Variants in RIDA observed in about 807,000 individuals in gnomAD.
The protein encoded by RIDA is 2-iminobutanoate/2-iminopropanoate deaminase.
RIDA carries 17 observed loss-of-function variants against 17.8 expected under a neutral mutation model. The observed-to-expected ratio is 0.96, with a 90% CI of 0.65 to 1.43. The LOEUF is 1.43. RIDA is among the 40% of genes most tolerant of loss of function. The pLI is 0.00. For synonymous variants in RIDA, 48 were observed against 55.7 expected (o/e 0.86, Z 0.62); for missense variants, 158 against 161.7 (o/e 0.98, Z 0.12).
chr8:98,106,145 T>C (rs963612992), intron 3 of RIDA, 127 bp downstream of exon 3: 5 of 1,077,402 alleles, frequency 4.6e-6, no homozygotes, highest in Admixed American at 1.9e-5. Context: ...AGTAGAACAG[T>C]TGCTATTTAA....
At chr8:98,104,668 G>A in intron 4 of RIDA, 124 bp from the exon 5 acceptor site, 1 of 643,582 alleles carries the variant, frequency 1.6e-6, no homozygotes, top group Non-Finnish European at 2.7e-6. Flanking sequence ...TAATAATCTG[G>A]CAAATATTTC....
intron 1 of RIDA, 64 bp downstream of exon 1, chr8:98,116,968 C>A: frequency 1.4e-6 from 2 of 1,389,842 alleles, no homozygotes; most frequent in Non-Finnish European, 2.0e-6. Flanking sequence ...CCGGAGTGGC[C>A]CCAACCCCGA....
intron 1 of RIDA, among the ~76,000 whole-genome samples, chr8:98,116,512 T>A (rs1260347829): frequency 6.6e-6 from 1 of 151,946 alleles, no homozygotes; most frequent in Non-Finnish European, 1.5e-5. Context: ...AGCAAATCCA[T>A]GAAGATGCAA....
chr8:98,110,136 G>A (rs1815703356), intron 1 of RIDA, among the ~76,000 whole-genome samples: 1 of 152,138 alleles, frequency 6.6e-6, no homozygotes, highest in South Asian at 2.1e-4. Context: ...TAGGGCCAGG[G>A]GTGATCATAA....
intron 1 of RIDA, 49 bp downstream of exon 1, chr8:98,116,983 C>T (rs1252695272): frequency 6.6e-7 from 1 of 1,521,866 alleles, no homozygotes; most frequent in African/African-American, 1.4e-5. Flanking sequence ...CCCCGAATCC[C>T]CGAACCCGCA....
At chr8:98,109,651 A>G (rs147604375) in intron 1 of RIDA, among the ~76,000 whole-genome samples, 37 of 152,342 alleles carry the variant, frequency 2.4e-4, no homozygotes, top group African/African-American at 8.4e-4. Context: ...GCTGAAGTGC[A>G]GTGGTAGGAT....
chr8:98,109,595 C>T (rs1411291301), intron 1 of RIDA, among the ~76,000 whole-genome samples: 1 of 151,974 alleles, frequency 6.6e-6, no homozygotes, highest in East Asian at 1.9e-4. Context: ...AACATACAAC[C>T]CAGCAAACTC....
chr8:98,117,064 G>T lies in RIDA; in HGVS notation c.33C>A (p.Thr11=). ...GTCCAATGGCCCCTGGGGCTTTCGC[G>T]GTGCTGATCACCCTTCTGATCAAGG... MSSLIRRVIS[T]AKAPGAIGPY... The change falls in exon 1 of 6, where the codon ACC becomes ACA. Residue 11 remains threonine (T), a synonymous_variant. Transcript: ENST00000254878. 2 of 1,614,150 alleles carry T rather than the reference G, an allele frequency of 1.2e-6. No homozygotes were observed. The highest frequency in any genetic ancestry group is 1.7e-6 in the Non-Finnish European group (2 of 1,179,976).
At chr8:98,113,499 A>C (rs1256612336) in intron 1 of RIDA, 1 of 152,232 alleles carries the variant, frequency 6.6e-6, no homozygotes, top group Non-Finnish European at 1.5e-5. Context: ...CACCTAGTGC[A>C]CAAGAGGCAC....
chr8:98,117,153 GC>G lies in RIDA; in HGVS notation c.-58del. 6.5e-7 allele frequency: 1 copy of G among 1,534,134 alleles called. No individual in the cohort carries two copies. The highest frequency in any genetic ancestry group is 9.0e-7 in the Non-Finnish European group (1 of 1,107,196). On this transcript the variant is annotated 5_prime_UTR_variant, in exon 1 of 6. Coordinates refer to ENST00000254878, the MANE Select transcript of RIDA (RefSeq NM_005836.3). ...GAGAAGAAGCCCCAGCACCAGCCCT[GC>G]TGGCTTCTTACTGGACTGACCAACC...
intron 1 of RIDA, among the ~76,000 whole-genome samples, chr8:98,114,327 C>CT (rs10576507): frequency 1.7e-3 from 248 of 143,180 alleles, no homozygotes; most frequent in African/African-American, 5.2e-3. Context: ...CTGCTAAAAT[C>CT]TTTTTTTTTT....
chr8:98,114,473 C>T (rs947052744), intron 1 of RIDA, among the ~76,000 whole-genome samples: 1 of 150,516 alleles, frequency 6.6e-6, no homozygotes. Flanking sequence ...TACAGGCATA[C>T]GCCACTATAC....
At position 98,106,276 on chromosome 8, in the gene RIDA, A is replaced by G; in HGVS notation, c.222T>C (p.Thr74=). ...EILKAAGCDF[T]NVVKTTVLLA... ...AAATAATATCAAATTGCTCACCGTT[A>G]GTGAAGTCACAGCCTGCAGCTTTCA... The change falls in exon 3 of 6, where the codon ACT becomes ACC. Residue 74 remains threonine, a synonymous_variant. Coordinates refer to ENST00000254878, the MANE Select transcript of RIDA (RefSeq NM_005836.3). 6.2e-7 allele frequency: 1 copy of G among 1,613,452 alleles called. No individual in the cohort carries two copies. Among genetic ancestry groups the G allele is most frequent in the Non-Finnish European group, 8.5e-7 (1 of 1,179,482 alleles).
At chr8:98,111,160 T>G (rs1243543006) in intron 1 of RIDA, among the ~76,000 whole-genome samples, 1 of 152,076 alleles carries the variant, frequency 6.6e-6, no homozygotes, top group Admixed American at 6.6e-5. Flanking sequence ...AGAAGTAGGA[T>G]AAAATCACAG....
chr8:98,116,975 C>T, intron 1 of RIDA, 57 bp downstream of exon 1: 2 of 1,463,972 alleles, frequency 1.4e-6, no homozygotes, highest in Non-Finnish European at 1.9e-6. Flanking sequence ...GGCCCCAACC[C>T]CGAATCCCCG....
chr8:98,109,012 C>A (rs1815676307), intron 1 of RIDA, among the ~76,000 whole-genome samples: 1 of 152,010 alleles, frequency 6.6e-6, no homozygotes, highest in South Asian at 2.1e-4. Flanking sequence ...TCAGCCTGGG[C>A]AACCACTCAG....
Position 98,108,742 on chromosome 8 carries a change from T to C in RIDA, c.75A>G (p.Val25=). The change falls in exon 2 of 6, where the codon GTA becomes GTG. Residue 25 remains valine (V), a synonymous_variant. Transcript: ENST00000254878. ...PGAIGPYSQA[V]LVDRTIYISG... is the part of the protein sequence containing the mutation. ...AAATGTAAATGGTCCTGTCGACTAA[T>C]ACAGCTTGACTGCAATAAACAGAAA... 1 of 1,607,352 alleles carries C rather than the reference T, an allele frequency of 6.2e-7. No homozygotes were observed. Among genetic ancestry groups the C allele is most frequent in the Non-Finnish European group, 8.5e-7 (1 of 1,174,092 alleles).
chr8:98,106,081 T>C (rs1187364867), intron 3 of RIDA, 75 bp from the exon 4 acceptor site: 1 of 1,184,724 alleles, frequency 8.4e-7, no homozygotes, highest in African/African-American at 1.5e-5. Flanking sequence ...AAAGAGTGTA[T>C]GAATCTGAGA....
At chr8:98,110,702 GATAT>G (rs770535931) in intron 1 of RIDA, among the ~76,000 whole-genome samples, 29 of 152,130 alleles carry the variant, frequency 1.9e-4, no homozygotes, top group Non-Finnish European at 2.8e-4. Flanking sequence ...ATCAATTAAG[GATAT>G]ACTTTTGAGG....
Sources: allele counts gnomAD v4.1 joint callset (sites outside exome capture counted in the v4.1 genomes callset), GRCh38; gene constraint gnomAD v4.1.1; transcripts MANE v1.5; gene names NCBI Gene and HGNC (gene_info 2026-07-23, HGNC 2026-07-21).